Variants in NOL6 observed in about 807,000 individuals in gnomAD.
The protein encoded by NOL6 is nucleolar RNA-associated protein.
A neutral mutation model predicts 131.7 loss-of-function variants in NOL6; 33 were observed. The ratio of observed to expected loss-of-function variants is 0.25; its 90% CI spans 0.19 to 0.33. The LOEUF (loss-of-function observed/expected upper bound fraction) is 0.33, where lower values mean the gene tolerates loss of function less well. Among genes scored for constraint, NOL6 ranks in the 10% least tolerant of loss-of-function variants. NOL6 has a pLI of 1.00. For synonymous variants in NOL6, 580 were observed against 605.7 expected (o/e 0.96, Z 0.62); for missense variants, 1,297 against 1,494.5 (o/e 0.87, Z 2.18).
At position 33,462,824 on chromosome 9, in the gene NOL6, C is replaced by A; in HGVS notation, c.3292-11G>T. The A allele has an allele frequency of 6.2e-7, 1 of 1,613,704 alleles. No homozygotes were observed. The highest frequency in any genetic ancestry group is 8.5e-7 in the Non-Finnish European group (1 of 1,179,842). On this transcript the variant is annotated splice_polypyrimidine_tract_variant and intron_variant, in intron 25 of 25. Coordinates refer to ENST00000297990, the MANE Select transcript of NOL6 (RefSeq NM_022917.5). ...CTTTGTGCTGGAGGCCTGGGGAAAT[C>A]AGAGAAGAGATGTGGGTTGAGTGTC...
chr9:33,470,195 T>G lies in NOL6; in HGVS notation c.379-4A>C. The G allele has an allele frequency of 6.4e-7, 1 of 1,568,826 alleles. No individual in the cohort carries two copies. Among genetic ancestry groups the G allele is most frequent in the South Asian group, 1.2e-5 (1 of 85,372 alleles). ...GGAGCCATGCCTGGTCAGTGAGCTG[T>G]GGGGGCAGAGACAGGGACACATACT... On this transcript the variant is annotated splice_polypyrimidine_tract_variant and splice_region_variant and intron_variant, in intron 3 of 25. Transcript: ENST00000297990.
chr9:33,472,662 T>C (rs944707178), intron 1 of NOL6: 33 of 544,132 alleles, frequency 6.1e-5, no homozygotes, highest in Admixed American at 1.9e-4. Flanking sequence ...CTGTTTGGAA[T>C]TGGTAGTGAT....
intron 1 of NOL6, chr9:33,472,784 C>T: frequency 3.5e-6 from 1 of 288,624 alleles, no homozygotes; most frequent in Non-Finnish European, 6.7e-6. Flanking sequence ...ATCAGCCTGG[C>T]CAACATGGGG....
At chr9:33,470,218 A>G (rs1827372220) in intron 3 of NOL6, 27 bp from the exon 4 acceptor site, 2 of 1,500,408 alleles carry the variant, frequency 1.3e-6, no homozygotes, top group African/African-American at 1.4e-5. Context: ...AGGGACACAT[A>G]CTGATTCAAC....
rs996199481 is a variant in NOL6 at position 33,462,047 on chromosome 9, T to C, written c.*617A>G. 4.3e-6 allele frequency: 3 copies of C among 693,420 alleles called. No individual in the cohort carries two copies. In the African/African-American group the frequency reaches 5.3e-5, roughly 12 times the overall value. The allele number at this position is 693,420 out of a possible 1,614,324, so 43.0% of individuals were successfully genotyped here. The stretch of plus-strand genomic sequence containing the variant: ...CCTGACCCCTTCACCTACCCAATCC[T>C]TTCCTGTCCTCGGTTCTTTTCCACT... On this transcript the variant is annotated 3_prime_UTR_variant, in exon 26 of 26. Transcript: ENST00000297990.
intron 3 of NOL6, among the ~76,000 whole-genome samples, chr9:33,471,275 CA>C (rs1409218877): frequency 1.6e-4 from 25 of 152,208 alleles, no homozygotes; most frequent in African/African-American, 5.3e-4. Context: ...AAAACAAAAA[CA>C]AAAACGTGAA....
Position 33,468,580 on chromosome 9 carries a change from C to T in NOL6, c.1148-14G>A, listed in dbSNP as rs145223345. On this transcript the variant is annotated splice_polypyrimidine_tract_variant and intron_variant, in intron 8 of 25. Coordinates refer to ENST00000297990, the MANE Select transcript of NOL6 (RefSeq NM_022917.5). The stretch of plus-strand genomic sequence containing the variant: ...GGTCTGTAGTGGCTGAAGTGAATCA[C>T]AAGTGTATTAGAAGGTATCCCCTTC... The T allele has an allele frequency of 9.3e-6, 15 of 1,613,942 alleles. No individual in the cohort carries two copies. The African/African-American group carries it at 2.0e-4, about 22-fold the overall frequency.
chr9:33,467,367 T>A lies in NOL6; in HGVS notation c.1725+27A>T. On this transcript the variant is annotated intron_variant, in intron 13 of 25. Transcript: ENST00000297990. The surrounding 1 kb of genome is among the most constrained non-coding windows in gnomAD (Gnocchi z 4.4). ...CATGAGGACGAGCCACCCCATTCCT[T>A]CCAGTGTACATGCTGGGGTCCCCCA... 1 of 1,612,840 alleles carries A rather than the reference T, an allele frequency of 6.2e-7. No individual in the cohort carries two copies. The highest frequency in any genetic ancestry group is 8.5e-7 in the Non-Finnish European group (1 of 1,179,024).
rs1258958285 is a variant in NOL6, at chr9:33,462,437, G to A, written c.*227C>T. Reference sequence around the variant, plus strand: ...GAGCTGGCTCCCACTCCTCTTCTGGGATGGTGAGGCCCAGGAGACTACATG... The same window carrying A: ...GAGCTGGCTCCCACTCCTCTTCTGGAATGGTGAGGCCCAGGAGACTACATG... On this transcript the variant is annotated 3_prime_UTR_variant, in exon 26 of 26. Transcript: ENST00000297990. 9.8e-6 allele frequency: 6 copies of A among 614,510 alleles called. No individual in the cohort carries two copies. In the Admixed American group the frequency reaches 1.1e-4, roughly 11 times the overall value. 38.1% of individuals were successfully genotyped at this position (614,510 alleles called of 1,614,324 possible). A position where few individuals can be genotyped will look rare whatever the true frequency, so the allele number is the denominator to read the frequency against.
chr9:33,467,357 C>T lies in NOL6; in HGVS notation c.1725+37G>A. The T allele has an allele frequency of 6.2e-7, 1 of 1,612,198 alleles. No individual in the cohort carries two copies. The highest frequency in any genetic ancestry group is 1.1e-5 in the South Asian group (1 of 91,022). The stretch of plus-strand genomic sequence containing the variant: ...GTCCAGGTGCCATGAGGACGAGCCA[C>T]CCCATTCCTTCCAGTGTACATGCTG... On this transcript the variant is annotated intron_variant, in intron 13 of 25. Transcript: ENST00000297990. The surrounding 1 kb of genome is among the most constrained non-coding windows in gnomAD (Gnocchi z 4.4).
chr9:33,463,327 G>A lies in NOL6; in HGVS notation c.3109C>T (p.Leu1037=). Reference sequence around the variant, plus strand: ...GATGAGGGCCCCGGCTGGCTGAGCAGGCCCCGGCAGAAGGAGGCAGCTGGC... The same window carrying A: ...GATGAGGGCCCCGGCTGGCTGAGCAAGCCCCGGCAGAAGGAGGCAGCTGGC... ...DSPAASFCRG[L]LSQPGPSSLM... Residue 1037 remains leucine (L), a synonymous_variant, in exon 24 of 26, where the codon CTG becomes TTG. Coordinates refer to ENST00000297990, the MANE Select transcript of NOL6 (RefSeq NM_022917.5). 10 of 1,614,116 alleles carry A rather than the reference G, an allele frequency of 6.2e-6. No individual in the cohort carries two copies. Among genetic ancestry groups the A allele is most frequent in the Non-Finnish European group, 8.5e-6 (10 of 1,179,996 alleles).
intron 23 of NOL6, 81 bp from the exon 24 acceptor site, chr9:33,463,522 T>C: frequency 1.5e-6 from 2 of 1,328,294 alleles, no homozygotes; most frequent in South Asian, 2.9e-5. Flanking sequence ...ACGCCCACCT[T>C]GGTTTCCTCC....
At position 33,467,131 on chromosome 9, in the gene NOL6, G is replaced by A. The variant is rs770227751; in HGVS notation, c.1857C>T (p.Val619=). ...ACACTCACAGTGCCAAGAGGTGGGT[G>A]ACCACCTGGTGGGGAATAAGGCGCT... The part of the protein sequence containing the change: ...SQKRLIPHQV[V]THLLALHADI... The change falls in exon 14 of 26, where the codon GTC becomes GTT. Residue 619 remains valine, a synonymous_variant. Transcript: ENST00000297990. The surrounding 1 kb of genome is among the most constrained non-coding windows in gnomAD (Gnocchi z 4.4). The A allele has an allele frequency of 2.5e-6, 4 of 1,614,072 alleles. No individual in the cohort carries two copies. Among genetic ancestry groups the A allele is most frequent in the Non-Finnish European group, 3.4e-6 (4 of 1,180,048 alleles).
chr9:33,473,870 T>C lies in NOL6; in HGVS notation c.-28A>G. On this transcript the variant is annotated 5_prime_UTR_variant, in exon 1 of 26. Transcript: ENST00000297990. ...CTCAGGGTCCAGCACTCTCCCGCACTTCAGATTCTAGCCGGGTCTATACCT... is the reference window on the plus strand; with the variant it reads ...CTCAGGGTCCAGCACTCTCCCGCACCTCAGATTCTAGCCGGGTCTATACCT... 1.2e-6 allele frequency: 2 copies of C among 1,609,480 alleles called. No homozygotes were observed. Among genetic ancestry groups the C allele is most frequent in the Non-Finnish European group, 1.7e-6 (2 of 1,179,902 alleles).
Position 33,466,945 on chromosome 9 carries a change from G to GC in NOL6, c.1916dup (p.Leu641ProfsTer16). ...GGCCTTGGATAAGTGCATCCAGGGG[G>GC]CCCCCCACATAGTGGACACAGGTTT... On this transcript the variant is annotated frameshift_variant, in exon 15 of 26. Coordinates refer to ENST00000297990, the MANE Select transcript of NOL6 (RefSeq NM_022917.5). LOFTEE classifies it high-confidence loss of function. The GC allele has an allele frequency of 1.2e-6, 2 of 1,614,158 alleles. No individual in the cohort carries two copies. Among genetic ancestry groups the GC allele is most frequent in the South Asian group, 1.1e-5 (1 of 91,066 alleles).
In NOL6 at chr9:33,462,798, C is replaced by G; in HGVS notation, c.3307G>C (p.Gly1103Arg). The change falls in exon 26 of 26, where the codon GGG becomes CGG. Residue 1103 changes from glycine (G) to arginine (R), a missense_variant. Physicochemically the swap from Gly to Arg is moderately radical, Grantham distance 125. Transcript: ENST00000297990. ...CCACCTCGAGACATCACCATGCGCC[C>G]CTTTGTGCTGGAGGCCTGGGGAAAT... is the stretch of plus-strand genomic sequence containing the variant. ...PQPFKASSTK[G>R]RMVMSRGGEL... is the part of the protein sequence containing the mutation. 6.2e-7 allele frequency: 1 copy of G among 1,614,094 alleles called. No homozygotes were observed.
rs761798288 is a variant in NOL6 at position 33,472,281 on chromosome 9, C to A, written c.186G>T (p.Lys62Asn). Residue 62 changes from lysine (K) to asparagine (N), a missense_variant, in exon 2 of 26, where the codon AAG becomes AAT. Physicochemically the swap from Lys to Asn is moderately conservative, Grantham distance 94 (BLOSUM62 0). Transcript: ENST00000297990. ...GATTAAGCTCCTCATTGGTAGGCTC[C>A]TTGTACAGTTCTGCCCTGCTGAGCT... ...PVKLSRAELY[K>N]EPTNEELNRL... 2 of 1,614,140 alleles carry A rather than the reference C, an allele frequency of 1.2e-6. No homozygotes were observed. The highest frequency in any genetic ancestry group is 2.7e-5 in the African/African-American group (2 of 74,944).
chr9:33,470,012 C>G lies in NOL6; in HGVS notation c.558G>C (p.Arg186Ser). The change falls in exon 4 of 26, where the codon AGG (arginine) becomes AGC (serine). Residue 186 changes from arginine (R) to serine (S), a missense_variant and splice_region_variant. Physicochemically the swap from Arg to Ser is moderately radical, Grantham distance 110. Coordinates refer to ENST00000297990, the MANE Select transcript of NOL6 (RefSeq NM_022917.5). ...INVDVALTMP[R>S]EILQDKDGLN... ...CTATCCCCTAAACCCTGGACCTTAC[C>G]CTGGGCATGGTCAGTGCCACATCCA... 1.9e-6 allele frequency: 3 copies of G among 1,582,022 alleles called. No individual in the cohort carries two copies. The highest frequency in any genetic ancestry group is 1.7e-6 in the Non-Finnish European group (2 of 1,158,992).
At chr9:33,464,843 T>C (rs561776786) in intron 21 of NOL6, 36 bp downstream of exon 21, 1 of 1,477,456 alleles carries the variant, frequency 6.8e-7, no homozygotes, top group African/African-American at 1.4e-5. Context: ...TAAAGAGCTG[T>C]TCTTCCAGCA....
Sources: gnomAD v4.1 joint callset for allele counts (sites outside exome capture counted in the v4.1 genomes callset) on GRCh38, gnomAD v4.1.1 for gene constraint, Gnocchi (gnomAD v3.1) non-coding constraint, MANE v1.5 for transcripts, NCBI Gene and HGNC (gene_info 2026-07-23, HGNC 2026-07-21) for gene names.